NLRP7: variants seen among roughly 807,000 people sequenced by gnomAD.
NLRP7 encodes the protein NLR family pyrin domain containing 7, also known as NACHT, LRR and PYD domains-containing protein 7.
In NLRP7, 72 loss-of-function variants were observed where a neutral mutation model predicts 85.5. The ratio of observed to expected loss-of-function variants is 0.84; its 90% CI spans 0.70 to 1.02. The LOEUF is 1.02. NLRP7 is among the 50% of genes least tolerant of loss of function. NLRP7 has a pLI of 0.00. For missense variants in NLRP7, 1,243 were observed against 1,219.5 expected (o/e 1.02, Z -0.29); for synonymous variants, 550 against 505.2 (o/e 1.09, Z -1.19).
chr19:54,948,135 G>T (rs556358350), upstream of NLRP7, among the ~76,000 whole-genome samples: 6 of 152,310 alleles, frequency 3.9e-5, no homozygotes, highest in East Asian at 1.2e-3. Flanking sequence ...TGTAGTCCCA[G>T]CAATTTGGGA....
Position 54,942,235 on chromosome 19 carries a change from G to A in NLRP7, c.-39-485C>T, listed in dbSNP as rs540153491. ...CTCACCATTGCACTCCAGCCTGGGC[G>A]ACAGAGCGAGACTCCGTCTCAAAAA... On this transcript the variant is annotated intron_variant, in intron 1 of 9. Transcript: ENST00000340844. Among the ~76,000 whole-genome samples, 289 of 117,306 alleles carry A rather than the reference G, an allele frequency of 2.5e-3. 2 individuals are homozygous for A. In the Middle Eastern group the frequency reaches 0.034, roughly 14 times the overall value. 77.0% of individuals were successfully genotyped at this position (117,306 alleles called of 152,430 possible).
rs111492915 is a variant in NLRP7 at position 54,935,085 on chromosome 19, C to T, written c.2301-426G>A. Among the ~76,000 whole-genome samples, 854 of 152,282 alleles carry T rather than the reference C, an allele frequency of 5.6e-3. 2 individuals are homozygous for T. The highest frequency in any genetic ancestry group is 9.1e-3 in the African/African-American group (380 of 41,578). On this transcript the variant is annotated intron_variant, in intron 6 of 9. Coordinates refer to ENST00000340844, the Ensembl canonical transcript of NLRP7. ...ATGCCTCCAACCCTGGCCTGAATTACTGGAGAGATCTAATGTTGCCTCTGC... is the reference window on the plus strand; with the variant it reads ...ATGCCTCCAACCCTGGCCTGAATTATTGGAGAGATCTAATGTTGCCTCTGC...
At chr19:54,940,215 G>C (rs2146222633) in exon 4 of NLRP7, 1 of 1,614,166 alleles carries the variant, frequency 6.2e-7, no homozygotes, top group Non-Finnish European at 8.5e-7. Flanking sequence ...CTGAGCGTCG[G>C]GCTGAGGTTG....
At chr19:54,930,696 G>C (rs1440193297) in intron 8 of NLRP7, 30 bp from the exon 9 acceptor site, 1 of 1,602,358 alleles carries the variant, frequency 6.2e-7, no homozygotes, top group South Asian at 1.1e-5. Context: ...AGAGAAGCCT[G>C]TTATCCCTCT....
intron 9 of NLRP7, among the ~76,000 whole-genome samples, chr19:54,928,310 G>A (rs958968308): frequency 6.6e-5 from 10 of 152,200 alleles, no homozygotes; most frequent in Middle Eastern, 3.4e-3. Flanking sequence ...CAGGAGAATC[G>A]CCTGAACCAG....
At chr19:54,939,452 T>C in exon 4 of NLRP7, 3 of 1,613,640 alleles carry the variant, frequency 1.9e-6, no homozygotes, top group Non-Finnish European at 2.5e-6. Context: ...GACTCTGTCC[T>C]GGCGGAGGAT....
chr19:54,924,188 G>C (rs4806622), intron 9 of NLRP7, among the ~76,000 whole-genome samples: 1 of 151,960 alleles, frequency 6.6e-6, no homozygotes, highest in African/African-American at 2.4e-5. Flanking sequence ...GGCTGGTCTC[G>C]AACTTCTGGC....
intron 1 of NLRP7, among the ~76,000 whole-genome samples, chr19:54,945,251 A>AAAAAG (rs1290453300): frequency 4.0e-5 from 6 of 149,842 alleles, no homozygotes; most frequent in African/African-American, 1.5e-4. Context: ...AAAAAAAAAA[A>AAAAAG]AAAAGAAAAG....
intron 2 of NLRP7, 50 bp downstream of exon 2, chr19:54,941,381 CAAAA>C (rs55704982): frequency 2.3e-3 from 1,557 of 679,612 alleles, no homozygotes; most frequent in Non-Finnish European, 2.7e-3. Flanking sequence ...GACTCCATCT[CAAAA>C]AAAAAAAAAA....
At chr19:54,963,464 C>A (rs2070137453) in intron 1 of NLRP7, among the ~76,000 whole-genome samples, 1 of 151,718 alleles carries the variant, frequency 6.6e-6, no homozygotes, top group South Asian at 2.1e-4. Context: ...CCGAGGCGGG[C>A]GGATCACGAG....
In NLRP7 at chr19:54,939,989, T is replaced by C. The variant is rs200613143; in HGVS notation, c.830A>G (p.Lys277Arg). ...ACTCCCCAGGAGGACGGGCACCGGC[T>C]TCTTCTTCTCCCAGTCCCCGCAGAT... The change falls in exon 4 of 10, where the codon AAG becomes AGG. Residue 277 changes from lysine to arginine, a missense_variant. Coordinates refer to ENST00000340844, the Ensembl canonical transcript of NLRP7. 4 of 1,614,070 alleles carry C rather than the reference T, an allele frequency of 2.5e-6. No individual in the cohort carries two copies. In the South Asian group the frequency reaches 3.3e-5, roughly 13 times the overall value.
At chr19:54,949,486 T>C (rs1177626998), upstream of NLRP7, among the ~76,000 whole-genome samples, 1 of 152,106 alleles carries the variant, frequency 6.6e-6, no homozygotes, top group East Asian at 1.9e-4. Flanking sequence ...TATATTTTGT[T>C]AAAACATTTG....
rs202163494 is a variant in NLRP7 at position 54,963,533 on chromosome 19, C to CA, written c.-77+2506dup. On this transcript the variant is annotated intron_variant, in intron 1 of 2. Transcript: ENST00000587103. ...TGAAACCCCATCTCTACTAAAAATA[C>CA]AAAAAAAAGGCTAGGCGCAGTGGCT... Among the ~76,000 whole-genome samples, 238 of 150,926 alleles carry CA rather than the reference C, an allele frequency of 1.6e-3. 5 individuals carry two copies. In the East Asian group the frequency reaches 0.035, roughly 22 times the overall value.
intron 8 of NLRP7, among the ~76,000 whole-genome samples, chr19:54,932,869 C>T (rs2068736141): frequency 6.6e-6 from 1 of 152,024 alleles, no homozygotes; most frequent in Non-Finnish European, 1.5e-5. Flanking sequence ...GTTGGCCAGG[C>T]TGGTCTCGAA....
chr19:54,952,903 C>A (rs945783419), intron 1 of NLRP7, among the ~76,000 whole-genome samples: 6 of 151,818 alleles, frequency 4.0e-5, no homozygotes, highest in African/African-American at 1.5e-4. Context: ...TTTGGGAGGC[C>A]GAGGCGGGTG....
At chr19:54,946,961 G>C (rs992474936) in intron 1 of NLRP7, among the ~76,000 whole-genome samples, 2 of 151,694 alleles carry the variant, frequency 1.3e-5, no homozygotes, top group African/African-American at 2.4e-5. Context: ...TGTAATGACA[G>C]AGTTTTACCA....
rs1033837161 is a variant in NLRP7 at position 54,962,491 on chromosome 19, G to A, written c.-77+3549C>T. ...TCACCATGTTGGTCAGGCTGATCTC[G>A]AACTCCTGACCTCAGGTGATCCACC... is the stretch of plus-strand genomic sequence containing the variant. On this transcript the variant is annotated intron_variant, in intron 1 of 2. Transcript: ENST00000587103. Among the ~76,000 whole-genome samples, 124 of 151,496 alleles carry A rather than the reference G, an allele frequency of 8.2e-4. 1 individual carries two copies. The highest frequency in any genetic ancestry group is 5.9e-5 in the Non-Finnish European group (4 of 67,802).
chr19:54,962,834 C>G (rs59047920), intron 1 of NLRP7, among the ~76,000 whole-genome samples: 3 of 145,330 alleles, frequency 2.1e-5, no homozygotes, highest in Non-Finnish European at 3.1e-5. Flanking sequence ...CTCCTGACCT[C>G]GTGATCCGCC....
rs1417178364 is a variant in NLRP7 at position 54,939,156 on chromosome 19, C to CT, written c.1662dup (p.Ala555SerfsTer7). 6.2e-7 allele frequency: 1 copy of CT among 1,614,124 alleles called. No homozygotes were observed. Among genetic ancestry groups the CT allele is most frequent in the Non-Finnish European group, 8.5e-7 (1 of 1,180,058 alleles). On this transcript the variant is annotated frameshift_variant, in exon 4 of 10. Coordinates refer to ENST00000340844, the Ensembl canonical transcript of NLRP7. LOFTEE classifies it high-confidence loss of function. ...AAGGGCTTATTTGCATGAAGATGTG[C>CT]TTTGCATTGCAGCAATTCCTGTTTG...
Sources: gnomAD v4.1 joint callset for allele counts (sites outside exome capture counted in the v4.1 genomes callset) on GRCh38, gnomAD v4.1.1 for gene constraint, MANE v1.5 for transcripts, NCBI Gene and HGNC (gene_info 2026-07-23, HGNC 2026-07-21) for gene names.